Variants in ADAT1 observed in about 807,000 individuals in gnomAD.
ADAT1 encodes the protein adenosine deaminase tRNA specific 1.
A neutral mutation model predicts 58.6 loss-of-function variants in ADAT1; 58 were observed. The ratio of observed to expected loss-of-function variants is 0.99; its 90% CI spans 0.80 to 1.23. ADAT1 has a LOEUF of 1.23. Ranked by LOEUF, ADAT1 falls within the 50% of genes most tolerant of loss-of-function variation. The pLI is 0.00. For synonymous variants in ADAT1, 254 were observed against 220.8 expected, an observed-to-expected ratio of 1.15 and a Z score of -1.33; for missense variants, 741 against 608.6, an observed-to-expected ratio of 1.22 and a Z score of -2.29.
intron 5 of ADAT1, among the ~76,000 whole-genome samples, chr16:75,616,396 T>G (rs1472128336): frequency 6.6e-6 from 1 of 152,228 alleles, no homozygotes; most frequent in East Asian, 1.9e-4. Flanking sequence ...TGATTTCTTA[T>G]CTCTGCTCTA....
Position 75,620,624 on chromosome 16 carries a change from G to C in ADAT1, c.169+7C>G, listed in dbSNP as rs202243354. ...GTGAGGAGCATGCCAAGAAGAAAAA[G>C]TCTCACCTTGCACCGGCTTATCAGG... On this transcript the variant is annotated splice_region_variant and intron_variant, in intron 2 of 9. Transcript: ENST00000564657. 5 of 1,612,294 alleles carry C rather than the reference G, an allele frequency of 3.1e-6. No homozygotes were observed. In the African/African-American group the frequency reaches 4.0e-5, roughly 13 times the overall value.
intron 4 of ADAT1, among the ~76,000 whole-genome samples, chr16:75,617,643 T>TA (rs2081777282): frequency 6.6e-6 from 1 of 151,646 alleles, no homozygotes; most frequent in Non-Finnish European, 1.5e-5. Flanking sequence ...TTGTTTCTTT[T>TA]TTTTTTTTTA....
At position 75,620,714 on chromosome 16, in the gene ADAT1, T is replaced by C. The variant is rs940003109; in HGVS notation, c.86A>G (p.His29Arg). 1.9e-6 allele frequency: 3 copies of C among 1,614,046 alleles called. No homozygotes were observed. In the Admixed American group the frequency reaches 5.0e-5, roughly 27 times the overall value. ...LPKKGKPEPN[H>R]EWTLLAAVVK... ...CACCGCTGCCAATAATGTCCACTCA[T>C]GGTTTGGCTCAGGCTTCCCCTTCTT... Residue 29 changes from histidine (H) to arginine (R), a missense_variant, in exon 2 of 10, where the codon CAT becomes CGT. Coordinates refer to ENST00000564657, the MANE Select transcript of ADAT1 (RefSeq NM_001324445.2).
chr16:75,608,653 G>C (rs1192444260), intron 7 of ADAT1, among the ~76,000 whole-genome samples, 190 bp downstream of exon 7: 2 of 152,228 alleles, frequency 1.3e-5, no homozygotes, highest in African/African-American at 4.8e-5. Flanking sequence ...TTGAGGCCAA[G>C]GGAGGGTAAA....
Position 75,605,815 on chromosome 16 carries a change from T to C in ADAT1, c.1289+2409A>G, listed in dbSNP as rs145259057. On this transcript the variant is annotated intron_variant, in intron 8 of 9. Transcript: ENST00000564657. Reference sequence around the variant, plus strand: ...AGCTGGGTGAGATGGCAGGCGCCTGTAATCCCAGCTACTCGGGAGGCTGAG... The same window carrying C: ...AGCTGGGTGAGATGGCAGGCGCCTGCAATCCCAGCTACTCGGGAGGCTGAG... Among the ~76,000 whole-genome samples, 243 of 151,530 alleles carry C rather than the reference T, an allele frequency of 1.6e-3. 1 individual carries two copies. In the East Asian group the frequency reaches 0.017, roughly 10 times the overall value.
In ADAT1 at chr16:75,598,225, C is replaced by A; in HGVS notation, c.*1991G>T. ...CTGAGTAGTTGGGACTATAGGCGTG[C>A]GCCAATACACCTGGCTAATTTTTGT... On this transcript the variant is annotated 3_prime_UTR_variant, in exon 10 of 10. Transcript: ENST00000564657. 2.8e-6 allele frequency: 1 copy of A among 353,168 alleles called. No individual in the cohort carries two copies. The highest frequency in any genetic ancestry group is 5.6e-6 in the Non-Finnish European group (1 of 178,760). 21.9% of individuals were successfully genotyped at this position (353,168 alleles called of 1,614,324 possible).
intron 8 of ADAT1, among the ~76,000 whole-genome samples, chr16:75,605,693 T>A (rs1056831615): frequency 3.3e-5 from 5 of 151,842 alleles, no homozygotes; most frequent in South Asian, 2.1e-4. Context: ...CCCAGCACTT[T>A]GGGAGGCTGA....
rs2081185077 is a variant in ADAT1 at position 75,600,132 on chromosome 16, C to T, written c.*84G>A. On this transcript the variant is annotated 3_prime_UTR_variant, in exon 10 of 10. Coordinates refer to ENST00000564657, the MANE Select transcript of ADAT1 (RefSeq NM_001324445.2). ...TCAGAAAGAATGTTCCCTGATTTAA[C>T]TACCAAAAAAGCTAAGACTTGTCCT... The T allele has an allele frequency of 6.4e-7, 1 of 1,563,988 alleles. No individual in the cohort carries two copies.
At chr16:75,605,213 C>A (rs921237209) in intron 8 of ADAT1, among the ~76,000 whole-genome samples, 6 of 152,120 alleles carry the variant, frequency 3.9e-5, no homozygotes, top group Admixed American at 6.6e-5. Flanking sequence ...GCCTTGGCCT[C>A]CCAAGTAGCT....
At chr16:75,620,967 A>G (rs2081915838) in intron 1 of ADAT1, 147 bp from the exon 2 acceptor site, 2 of 581,828 alleles carry the variant, frequency 3.4e-6, no homozygotes, top group Admixed American at 7.3e-5. Context: ...TTCTTCTACT[A>G]TCTCCCTGCC....
intron 3 of ADAT1, 90 bp downstream of exon 3, chr16:75,620,176 C>T: frequency 6.9e-6 from 9 of 1,299,566 alleles, no homozygotes; most frequent in Non-Finnish European, 1.0e-5. Flanking sequence ...TGCACCTCAA[C>T]TGACATGGCC....
At chr16:75,612,105 T>C in intron 6 of ADAT1, 138 bp downstream of exon 6, 3 of 1,041,092 alleles carry the variant, frequency 2.9e-6, no homozygotes, top group Non-Finnish European at 4.1e-6. Context: ...TCAAATACTT[T>C]AATTATTTCC....
chr16:75,621,558 G>A (rs2081930441), intron 1 of ADAT1, among the ~76,000 whole-genome samples: 1 of 152,106 alleles, frequency 6.6e-6, no homozygotes, highest in Non-Finnish European at 1.5e-5. Flanking sequence ...TACTGTGAGG[G>A]TTAAATAAGT....
chr16:75,609,092 G>T (rs541724958), intron 6 of ADAT1, 104 bp from the exon 7 acceptor site: 2 of 1,364,392 alleles, frequency 1.5e-6, no homozygotes, highest in African/African-American at 1.5e-5. Context: ...CAGGTGTGGG[G>T]ATTTGTTTAT....
chr16:75,614,308 A>C (rs1180184633), intron 5 of ADAT1, among the ~76,000 whole-genome samples: 2 of 152,200 alleles, frequency 1.3e-5, no homozygotes, highest in Non-Finnish European at 2.9e-5. Context: ...AGTCTAAACC[A>C]ATGTTTCCAA....
intron 6 of ADAT1, among the ~76,000 whole-genome samples, chr16:75,611,795 C>A (rs1312632666): frequency 6.6e-6 from 1 of 152,076 alleles, no homozygotes; most frequent in Non-Finnish European, 1.5e-5. Flanking sequence ...CGGTGGCTCA[C>A]ACCTGTAATC....
In ADAT1 at chr16:75,618,567, T is replaced by C. The variant is rs767144793; in HGVS notation, c.293+19A>G. On this transcript the variant is annotated intron_variant, in intron 4 of 9. Transcript: ENST00000564657. ...CCACCCCAGTCCTGCTGAACCATAC[T>C]CTGGAGATGTGGCTTTACCTTTGGA... 6.6e-7 allele frequency: 1 copy of C among 1,524,286 alleles called. No homozygotes were observed. Among genetic ancestry groups the C allele is most frequent in the Non-Finnish European group, 8.9e-7 (1 of 1,117,406 alleles). The allele number at this position is 1,524,286 out of a possible 1,614,324, so 94.4% of individuals were successfully genotyped here.
intron 5 of ADAT1, among the ~76,000 whole-genome samples, chr16:75,613,296 C>T (rs1408072054): frequency 6.6e-6 from 1 of 152,112 alleles, no homozygotes; most frequent in Non-Finnish European, 1.5e-5. Flanking sequence ...GGTTTCTCAA[C>T]CACGGTACTA....
intron 8 of ADAT1, among the ~76,000 whole-genome samples, chr16:75,607,071 C>CA (rs918723366): frequency 2.3e-4 from 35 of 149,732 alleles, no homozygotes; most frequent in Middle Eastern, 3.5e-3. Flanking sequence ...ACTAAAAATG[C>CA]AAAAAAAAAT....
Sources: allele counts gnomAD v4.1 joint callset (sites outside exome capture counted in the v4.1 genomes callset), GRCh38; gene constraint gnomAD v4.1.1; transcripts MANE v1.5; gene names NCBI Gene and HGNC (gene_info 2026-07-23, HGNC 2026-07-21).